KIAA1210: variants seen among roughly 807,000 people sequenced by gnomAD.
KIAA1210 encodes the protein KIAA1210.
Under a neutral mutation model 78.9 loss-of-function variants are expected in KIAA1210, and 48 were observed. The ratio of observed to expected loss-of-function variants is 0.61; its 90% CI spans 0.48 to 0.77. KIAA1210 has a LOEUF of 0.77. Ranked by LOEUF, KIAA1210 falls within the 30% of genes least tolerant of loss-of-function variation. The pLI is 0.00. For synonymous variants in KIAA1210, 406 were observed against 404.5 expected (o/e 1.00, Z -0.04); for missense variants, 1,108 against 1,100.0 (o/e 1.01, Z -0.10).
Position 119,117,478 on chromosome X carries a change from T to A in KIAA1210, c.62-814A>T, listed in dbSNP as rs1374822184. On this transcript the variant is annotated intron_variant, in intron 2 of 11. Coordinates refer to ENST00000691062, the MANE Select transcript of KIAA1210 (RefSeq NM_001394962.1). ...GCTGCCCTTTGCACATGCAGATAAATGAGAGTTTGCTCTATCTATAATAAT... is the reference window on the plus strand; with the variant it reads ...GCTGCCCTTTGCACATGCAGATAAAAGAGAGTTTGCTCTATCTATAATAAT... Among the ~76,000 whole-genome samples the A allele has an allele frequency of 2.7e-5, 3 of 111,378 alleles. No individual in the cohort carries two copies. In the Admixed American group the frequency reaches 2.9e-4, roughly 11 times the overall value.
Position 119,100,328 on chromosome X carries a change from T to TAA in KIAA1210, c.649-3639_649-3638dup, listed in dbSNP as rs35969490. Among the ~76,000 whole-genome samples the TAA allele has an allele frequency of 2.3e-3, 105 of 46,519 alleles. 2 individuals are homozygous for TAA. Among genetic ancestry groups the TAA allele is most frequent in the African/African-American group, 9.9e-3 (93 of 9,383 alleles). 40.4% of individuals were successfully genotyped at this position (46,519 alleles called of 115,157 possible). A position where few individuals can be genotyped will look rare whatever the true frequency, so the allele number is the denominator to read the frequency against. ...CTGGGCAACAGAGCAAGACTGTCTT[T>TAA]AAAAAAAAAAAAAAAAAAAAAAAAA... On this transcript the variant is annotated intron_variant, in intron 6 of 11. Coordinates refer to ENST00000691062, the MANE Select transcript of KIAA1210 (RefSeq NM_001394962.1).
At chrX:119,148,692 C>G (rs1040862231) in intron 1 of KIAA1210, among the ~76,000 whole-genome samples, 4 of 110,882 alleles carry the variant, frequency 3.6e-5, no homozygotes, top group Middle Eastern at 4.2e-3. Flanking sequence ...TTTAAAAACC[C>G]AAACTGGGTT....
chrX:119,142,774 C>A (rs867945605), intron 2 of KIAA1210, among the ~76,000 whole-genome samples: 34 of 38,766 alleles, frequency 8.8e-4, no homozygotes, highest in African/African-American at 2.2e-3. Flanking sequence ...GACTCCATCT[C>A]AAAAAAAAAA....
At chrX:119,108,536 G>A (rs1927964615) in intron 4 of KIAA1210, 65 bp from the exon 5 acceptor site, 2 of 1,135,073 alleles carry the variant, frequency 1.8e-6, no homozygotes, top group Non-Finnish European at 2.3e-6. Context: ...GTGGAATGTT[G>A]CTGCCAAAAT....
In KIAA1210 at chrX:119,088,638, A is replaced by T. The variant is rs1869803; in HGVS notation, c.2064T>A (p.Asp688Glu). The T allele has an allele frequency of 1.6e-3, 1,907 of 1,210,035 alleles. 20 individuals carry two copies. The African/African-American group carries it at 0.03, about 19-fold the overall frequency. The change falls in exon 9 of 12, where the codon GAT (aspartate) becomes GAA (glutamate). Residue 688 changes from aspartate to glutamate, a missense_variant. Asp to Glu is a conservative substitution (Grantham distance 45, BLOSUM62 2). Around this residue, in one of 5 missense-constraint regions of KIAA1210, gnomAD observed 672 missense variants for 607.1 expected, o/e 1.11. Transcript: ENST00000691062. ...GGTCTTCCTCTGAGCTGCTGCAATC[A>T]TCAGAAGTGTTGTACTTTTCAACAT... ...SSYVEKYNTS[D>E]DCSSSEEDLP...
At position 119,080,155 on chromosome X, in the gene KIAA1210, G is replaced by C. The variant is rs1050616022; in HGVS notation, c.*1174C>G. The C allele has an allele frequency of 8.9e-6, 1 of 111,816 alleles. No individual in the cohort carries two copies. Among genetic ancestry groups the C allele is most frequent in the Admixed American group, 9.5e-5 (1 of 10,528 alleles). 9.2% of individuals were successfully genotyped at this position (111,816 alleles called of 1,213,427 possible). A position where few individuals can be genotyped will look rare whatever the true frequency, so the allele number is the denominator to read the frequency against. On this transcript the variant is annotated 3_prime_UTR_variant, in exon 12 of 12. Coordinates refer to ENST00000691062, the MANE Select transcript of KIAA1210 (RefSeq NM_001394962.1). ...ATAGGCAGTGATTTCTGTGCGATCA[G>C]AGAGGGTCACAGTAGTATTGGGACA...
intron 1 of KIAA1210, among the ~76,000 whole-genome samples, chrX:119,125,391 T>C (rs1168111193): frequency 9.1e-6 from 1 of 109,769 alleles, no homozygotes; most frequent in Non-Finnish European, 1.9e-5. Flanking sequence ...CACACAATAA[T>C]ATACATACAA....
At chrX:119,140,931 G>C (rs1037113188) in intron 2 of KIAA1210, among the ~76,000 whole-genome samples, 15 of 112,300 alleles carry the variant, frequency 1.3e-4, no homozygotes, top group African/African-American at 4.8e-4. Flanking sequence ...TGGAGGTTTA[G>C]TGGGGATATT....
At chrX:119,130,507 C>T (rs1049495754), upstream of KIAA1210, among the ~76,000 whole-genome samples, 11 of 112,798 alleles carry the variant, frequency 9.8e-5, no homozygotes, top group African/African-American at 3.5e-4. Context: ...CTGAGTATTA[C>T]CAGCACCTAG....
At chrX:119,110,320 A>G (rs1351966911) in intron 3 of KIAA1210, among the ~76,000 whole-genome samples, 1 of 112,245 alleles carries the variant, frequency 8.9e-6, no homozygotes, top group African/African-American at 3.2e-5. Context: ...CCCTTCCATG[A>G]TAAATGCACT....
chrX:119,133,808 G>T (rs1425939148), intron 2 of KIAA1210, among the ~76,000 whole-genome samples: 1 of 109,228 alleles, frequency 9.2e-6, no homozygotes, highest in Non-Finnish European at 1.9e-5. Context: ...AGAAACTGAT[G>T]CATGGCTTTG....
intron 3 of KIAA1210, among the ~76,000 whole-genome samples, chrX:119,109,920 A>ATGGT (rs762343626): frequency 5.4e-5 from 6 of 111,825 alleles, no homozygotes; most frequent in African/African-American, 1.9e-4. Context: ...CTGATTGGGA[A>ATGGT]TGGTGCCAGG....
At position 119,107,265 on chromosome X, in the gene KIAA1210, T is replaced by C. The variant is rs776815527; in HGVS notation, c.492+1072A>G. On this transcript the variant is annotated intron_variant, in intron 5 of 11. Transcript: ENST00000691062. ...GAGAAGTAATGCCCCTAGAATATTT[T>C]CCTTTAATTTTCACAAAAAATAATT... 2.6e-4 allele frequency among the ~76,000 whole-genome samples: 29 copies of C among 112,783 alleles called. 1 individual carries two copies. Among genetic ancestry groups the C allele is most frequent in the African/African-American group, 9.0e-4 (28 of 31,101 alleles).
Position 119,121,926 on chromosome X carries a change from G to A in KIAA1210, c.61+1656C>T, listed in dbSNP as rs749073116. Among the ~76,000 whole-genome samples the A allele has an allele frequency of 5.5e-5, 6 of 108,844 alleles. No homozygotes were observed. In the East Asian group the frequency reaches 1.7e-3, roughly 31 times the overall value. 94.5% of individuals were successfully genotyped at this position (108,844 alleles called of 115,157 possible). ...TGGGACTACAGGCATCCGCCACCAC[G>A]CCCAGCTAATTTTTTGTATTTTTAA... On this transcript the variant is annotated intron_variant, in intron 2 of 11. Transcript: ENST00000691062.
Position 119,120,198 on chromosome X carries a change from G to T in KIAA1210, c.61+3384C>A, listed in dbSNP as rs145130427. 9.7e-3 allele frequency among the ~76,000 whole-genome samples: 1,075 copies of T among 111,182 alleles called. 20 individuals are homozygous for T. Among genetic ancestry groups the T allele is most frequent in the African/African-American group, 0.031 (946 of 30,570 alleles). ...GCCTCCCAAGGTGCCAGGATTACAG[G>T]TATGAGCTACTGTGCCCAGACGATT... On this transcript the variant is annotated intron_variant, in intron 2 of 11. Transcript: ENST00000691062.
chrX:119,139,355 G>A (rs1454917962), intron 2 of KIAA1210, among the ~76,000 whole-genome samples: 2 of 111,832 alleles, frequency 1.8e-5, no homozygotes, highest in Non-Finnish European at 1.9e-5. Context: ...AATAGACATT[G>A]GAGCCTCAGG....
chrX:119,116,771 G>A (rs1928281520), intron 2 of KIAA1210, 107 bp from the exon 3 acceptor site: 4 of 695,188 alleles, frequency 5.8e-6, no homozygotes, highest in Non-Finnish European at 8.4e-6. Context: ...CCACCCAGGT[G>A]TCCTGCAGAG....
At chrX:119,117,873 A>G (rs1436474448) in intron 2 of KIAA1210, among the ~76,000 whole-genome samples, 1 of 111,183 alleles carries the variant, frequency 9.0e-6, no homozygotes, top group East Asian at 2.8e-4. Context: ...TTGGCCTCCC[A>G]AAGTGCTACA....
intron 2 of KIAA1210, among the ~76,000 whole-genome samples, chrX:119,146,087 C>A (rs1249276505): frequency 8.9e-6 from 1 of 111,855 alleles, no homozygotes; most frequent in Non-Finnish European, 1.9e-5. Context: ...TAACACACAA[C>A]AAAAAATTAT....
Sources: gnomAD v4.1 joint callset for allele counts (sites outside exome capture counted in the v4.1 genomes callset) on GRCh38, gnomAD v4.1.1 for gene constraint, gnomAD v4.1.1 regional missense constraint, MANE v1.5 for transcripts, NCBI Gene and HGNC (gene_info 2026-07-23, HGNC 2026-07-21) for gene names.